FAS: variants seen among roughly 807,000 people sequenced by gnomAD.
The protein encoded by FAS is tumor necrosis factor receptor superfamily member 6.
In FAS, 5 loss-of-function variants were observed where a neutral mutation model predicts 33.2. The ratio of observed to expected loss-of-function variants is 0.15; its 90% confidence interval spans 0.08 to 0.32. FAS has a LOEUF of 0.32. Ranked by LOEUF, FAS falls within the 10% of genes least tolerant of loss-of-function variation. The pLI is 1.00. For missense variants in FAS, 339 were observed against 386.0 expected, an observed-to-expected ratio of 0.88 and a Z score of 1.02; for synonymous variants, 131 against 130.7, an observed-to-expected ratio of 1.00 and a Z score of -0.01.
chr10:88,969,096 C>T (rs1028572939), intron 1 of FAS, among the ~76,000 whole-genome samples: 29 of 151,828 alleles, frequency 1.9e-4, no homozygotes. Flanking sequence ...GTTTTTTTCT[C>T]TCTTATTAAA....
upstream of FAS, among the ~76,000 whole-genome samples, chr10:88,987,126 G>A (rs190553476): frequency 1.2e-4 from 19 of 152,202 alleles, no homozygotes; most frequent in Admixed American, 1.2e-3. Context: ...TTGTCACTTG[G>A]CCACTGTGGG....
In FAS at chr10:88,979,069, CT is replaced by C. The variant is rs528593277; in HGVS notation, n.260+5727del. ...TCAGAAAACTGAAAGCTCAGAAAACCTTTTTATGTTTAAAAACACTGTCCAC... is the reference window on the plus strand; with the variant it reads ...TCAGAAAACTGAAAGCTCAGAAAACCTTTTATGTTTAAAAACACTGTCCAC... On this transcript the variant is annotated intron_variant and non_coding_transcript_variant, in intron 2 of 3. Coordinates refer to the FAS transcript ENST00000688239. Among the ~76,000 whole-genome samples the C allele has an allele frequency of 9.1e-4, 139 of 152,032 alleles. 2 individuals carry two copies. The highest frequency in any genetic ancestry group is 1.5e-3 in the Non-Finnish European group (100 of 67,966).
chr10:89,002,205 G>C (rs1019220672), intron 1 of FAS, among the ~76,000 whole-genome samples: 1 of 152,172 alleles, frequency 6.6e-6, no homozygotes, highest in African/African-American at 2.4e-5. Context: ...AAAATATTTA[G>C]GAAACTATTC....
At chr10:88,965,583 T>C (rs1846304565) in intron 1 of FAS, among the ~76,000 whole-genome samples, 1 of 152,018 alleles carries the variant, frequency 6.6e-6, no homozygotes, top group Non-Finnish European at 1.5e-5. Flanking sequence ...TACCAACATA[T>C]CGACCACCAA....
At chr10:88,989,491 G>A (rs759824902), upstream of FAS, 1 of 543,930 alleles carries the variant, frequency 1.8e-6, no homozygotes. Flanking sequence ...TGTGCACAAG[G>A]CTGGCACGCC....
In FAS at chr10:89,016,584, G is replaced by T; in HGVS notation, c.*2134G>T. ...TTGGTGATGTGGTTTTTTTCCTCATGGCTTCACCTAGTGGCCCCAAGCATG... is the reference window on the plus strand; with the variant it reads ...TTGGTGATGTGGTTTTTTTCCTCATTGCTTCACCTAGTGGCCCCAAGCATG... On this transcript the variant is annotated 3_prime_UTR_variant, in exon 9 of 9. Coordinates refer to ENST00000652046, the MANE Select transcript of FAS (RefSeq NM_000043.6). 1 of 225,246 alleles carries T rather than the reference G, an allele frequency of 4.4e-6. No individual in the cohort carries two copies. Among genetic ancestry groups the T allele is most frequent in the African/African-American group, 2.2e-5 (1 of 44,942 alleles). 14.0% of individuals were successfully genotyped at this position (225,246 alleles called of 1,614,324 possible).
intron 1 of FAS, among the ~76,000 whole-genome samples, chr10:88,971,818 C>G (rs896125539): frequency 6.6e-6 from 1 of 152,058 alleles, no homozygotes; most frequent in Non-Finnish European, 1.5e-5. Flanking sequence ...GGGTGATGCT[C>G]TGATGGTGAG....
rs529347961 is a variant in FAS at position 88,991,553 on chromosome 10, G to T, written c.30+647G>T. ...GGGCTGAATGAGCTTCTGGAGGCTT[G>T]TTTACCGTTTTTTATTGTCACACAG... On this transcript the variant is annotated intron_variant, in intron 1 of 8. Transcript: ENST00000652046. 75 of 155,682 alleles carry T rather than the reference G, an allele frequency of 4.8e-4. 1 individual carries two copies. Among genetic ancestry groups the T allele is most frequent in the Admixed American group, 4.0e-3 (63 of 15,752 alleles). 9.6% of individuals were successfully genotyped at this position (155,682 alleles called of 1,614,324 possible). A position where few individuals can be genotyped will look rare whatever the true frequency, so the allele number is the denominator to read the frequency against.
intron 1 of FAS, 139 bp downstream of exon 1, chr10:88,991,045 G>A (rs1430917346): frequency 1.7e-6 from 2 of 1,148,618 alleles, no homozygotes; most frequent in African/African-American, 1.5e-5. Flanking sequence ...GCTGCTGCGG[G>A]AGGCGTTGGA....
At chr10:88,989,715 C>T (rs1847053412), upstream of FAS, 1 of 385,920 alleles carries the variant, frequency 2.6e-6, no homozygotes, top group African/African-American at 2.1e-5. Context: ...GAACAGTGGG[C>T]TAAGCAAAGG....
chr10:88,968,510 T>C (rs913733051), intron 1 of FAS, among the ~76,000 whole-genome samples: 1 of 152,214 alleles, frequency 6.6e-6, no homozygotes, highest in African/African-American at 2.4e-5. Flanking sequence ...CCTGAAGGAA[T>C]GCAGGCACAG....
chr10:88,987,977 G>A (rs995964360), upstream of FAS, among the ~76,000 whole-genome samples: 1 of 152,178 alleles, frequency 6.6e-6, no homozygotes, highest in Admixed American at 6.5e-5. Flanking sequence ...CTTCCACTGA[G>A]TGAGTGAGAA....
rs763996596 is a variant in FAS at position 88,990,861 on chromosome 10, GGAT to G, written c.-15_-13del. Reference sequence around the variant, plus strand: ...GTTGGGGAAGCTCTTTCACTTCGGAGGATTGCTCAACAACCATGCTGGGCATCT... The same window carrying G: ...GTTGGGGAAGCTCTTTCACTTCGGAGTGCTCAACAACCATGCTGGGCATCT... On this transcript the variant is annotated 5_prime_UTR_variant, in exon 1 of 9. Coordinates refer to ENST00000652046, the MANE Select transcript of FAS (RefSeq NM_000043.6). The surrounding 1 kb of genome is among the most constrained non-coding windows in gnomAD (Gnocchi z 4.9). 9 of 1,614,126 alleles carry G rather than the reference GGAT, an allele frequency of 5.6e-6. No individual in the cohort carries two copies. Among genetic ancestry groups the G allele is most frequent in the Non-Finnish European group, 6.8e-6 (8 of 1,180,060 alleles).
intron 2 of FAS, among the ~76,000 whole-genome samples, chr10:89,007,401 G>A (rs1329475365): frequency 6.6e-6 from 1 of 152,042 alleles, no homozygotes; most frequent in Non-Finnish European, 1.5e-5. Context: ...CTTGGCAAAG[G>A]CATTTCATGC....
At chr10:88,997,471 C>G (rs1024763219) in intron 1 of FAS, among the ~76,000 whole-genome samples, 5 of 152,110 alleles carry the variant, frequency 3.3e-5, no homozygotes, top group Admixed American at 3.3e-4. Context: ...CAGAGATTGG[C>G]TTTAAGAAAG....
chr10:89,007,760 A>G lies in FAS; in HGVS notation c.257A>G (p.Gln86Arg). The change falls in exon 3 of 9, where the codon CAA becomes CGA. Residue 86 changes from glutamine to arginine, a missense_variant. Coordinates refer to ENST00000652046, the MANE Select transcript of FAS (RefSeq NM_000043.6). The stretch of plus-strand genomic sequence containing the variant: ...GATGAACCAGACTGCGTGCCCTGCC[A>G]AGAAGGGAAGGAGTACACAGACAAA... ...NGDEPDCVPCQEGKEYTDKAH... is the reference protein window; with the variant it reads ...NGDEPDCVPCREGKEYTDKAH... 1 of 1,614,098 alleles carries G rather than the reference A, an allele frequency of 6.2e-7. No individual in the cohort carries two copies. The highest frequency in any genetic ancestry group is 8.5e-7 in the Non-Finnish European group (1 of 1,179,968).
At chr10:88,969,629 T>A (rs1268093779) in intron 1 of FAS, among the ~76,000 whole-genome samples, 1 of 152,216 alleles carries the variant, frequency 6.6e-6, no homozygotes, top group Admixed American at 6.5e-5. Context: ...CTCTCTGGGA[T>A]GACCAGTTTC....
At chr10:88,969,818 G>T (rs1033670426) in intron 1 of FAS, among the ~76,000 whole-genome samples, 1 of 152,140 alleles carries the variant, frequency 6.6e-6, no homozygotes, top group African/African-American at 2.4e-5. Flanking sequence ...GACACTGATT[G>T]TTCACCATCA....
intron 6 of FAS, chr10:89,011,042 C>T: frequency 3.4e-6 from 2 of 589,950 alleles, no homozygotes; most frequent in Non-Finnish European, 6.0e-6. Context: ...TATTCTCATC[C>T]TTCCTATGAA....
Sources: gnomAD v4.1 joint callset for allele counts (sites outside exome capture counted in the v4.1 genomes callset) on GRCh38, gnomAD v4.1.1 for gene constraint, Gnocchi (gnomAD v3.1) non-coding constraint, MANE v1.5 for transcripts, NCBI Gene and HGNC (gene_info 2026-07-23, HGNC 2026-07-21) for gene names.